The following FGA variants were observed in gnomAD, a reference collection of about 807,000 sequenced individuals.
The protein encoded by FGA is fibrinogen alpha chain.
Under a neutral mutation model 20.3 loss-of-function variants are expected in FGA, and 20 were observed. The ratio of observed to expected loss-of-function variants is 0.99; its 90% confidence interval spans 0.69 to 1.43. FGA has a LOEUF of 1.43. FGA is among the 40% of genes most tolerant of loss of function. FGA has a pLI of 0.00. For missense variants in FGA, 777 were observed against 784.7 expected (o/e 0.99, Z 0.12); for synonymous variants, 306 against 281.6 (o/e 1.09, Z -0.87).
intron 3 of FGA, among the ~76,000 whole-genome samples, chr4:154,588,035 T>C (rs993666860): frequency 1.3e-5 from 2 of 152,200 alleles, no homozygotes; most frequent in Admixed American, 1.3e-4. Flanking sequence ...TTAAAATAGT[T>C]GGTTTGATTG....
rs1184066844 is a variant in FGA, at chr4:154,585,550, G to A, written c.1879C>T (p.Arg627Cys). The change falls in exon 5 of 5, where the codon CGC (arginine) becomes TGC (cysteine). Residue 627 changes from arginine to cysteine, a missense_variant. Coordinates refer to ENST00000403106, the MANE Select transcript of FGA (RefSeq NM_021871.4). ...GAAGTGTGGATACCTCTGACAGGGC[G>A]AGATTTAGCATGGCCTCTCTTGGTG... ...HSTKRGHAKS[R>C]PVRGIHTSPL... The A allele has an allele frequency of 7.4e-6, 12 of 1,613,924 alleles. No individual in the cohort carries two copies. The highest frequency in any genetic ancestry group is 2.7e-5 in the African/African-American group (2 of 74,904).
chr4:154,590,733 A>G lies in FGA; in HGVS notation c.-46T>C. On this transcript the variant is annotated 5_prime_UTR_variant, in exon 1 of 5. Transcript: ENST00000403106. ...GCTCCTGAGGAGCACTCCAGCTGAA[A>G]GAAAGGATTGCTGCCACTCCTAGTT... 1 of 1,427,082 alleles carries G rather than the reference A, an allele frequency of 7.0e-7. No individual in the cohort carries two copies. The highest frequency in any genetic ancestry group is 9.7e-7 in the Non-Finnish European group (1 of 1,033,204). 88.4% of individuals were successfully genotyped at this position (1,427,082 alleles called of 1,614,324 possible).
In FGA at chr4:154,586,048, A is replaced by G. The variant is rs1257381737; in HGVS notation, c.1381T>C (p.Cys461Arg). 6.2e-7 allele frequency: 1 copy of G among 1,614,184 alleles called. No homozygotes were observed. Among genetic ancestry groups the G allele is most frequent in the Admixed American group, 1.7e-5 (1 of 60,028 alleles). Residue 461 changes from cysteine to arginine, a missense_variant, in exon 5 of 5, where the codon TGC (cysteine) becomes CGC (arginine). Cys to Arg is a radical substitution (Grantham distance 180, BLOSUM62 -3). Transcript: ENST00000403106. ...SGSTTTTRRS[C>R]SKTVTKTVIG... The stretch of plus-strand genomic sequence containing the variant: ...ACAGTCTTAGTAACGGTTTTAGAGC[A>G]TGAACGACGCGTGGTGGTTGTGCTA...
chr4:154,584,622 G>A (rs148411201), downstream of FGA: 207 of 1,614,100 alleles, frequency 1.3e-4, 1 homozygote, highest in Non-Finnish European at 1.5e-4. Context: ...CTTCCCCCTC[G>A]TCATTCAGGC....
chr4:154,589,254 T>A (rs1730812515), intron 2 of FGA, among the ~76,000 whole-genome samples, 183 bp downstream of exon 2: 2 of 152,180 alleles, frequency 1.3e-5, no homozygotes, highest in African/African-American at 4.8e-5. Flanking sequence ...CCACTAATGA[T>A]CCAGAGTTGG....
chr4:154,588,075 C>T (rs538951053), intron 3 of FGA, among the ~76,000 whole-genome samples: 151 of 152,302 alleles, frequency 9.9e-4, no homozygotes, highest in African/African-American at 3.6e-3. Context: ...CATCCTTAAT[C>T]AAGGGACTTG....
At chr4:154,587,384 C>G in intron 4 of FGA, 128 bp downstream of exon 4, 1 of 905,902 alleles carries the variant, frequency 1.1e-6, no homozygotes, top group South Asian at 1.4e-5. Flanking sequence ...AAAATAATAC[C>G]TACTTTTAGG....
chr4:154,585,732 C>T lies in FGA; in HGVS notation c.1697G>A (p.Gly566Glu). 1.2e-6 allele frequency: 2 copies of T among 1,614,152 alleles called. No homozygotes were observed. Among genetic ancestry groups the T allele is most frequent in the South Asian group, 1.1e-5 (1 of 91,076 alleles). The change falls in exon 5 of 5, where the codon GGG becomes GAG. Residue 566 changes from glycine (G) to glutamate (E), a missense_variant. Coordinates refer to ENST00000403106, the MANE Select transcript of FGA (RefSeq NM_021871.4). The part of the protein sequence containing the change: ...NTKESSSHHP[G>E]IAEFPSRGKS... ...ACCACGGGAAGGGAATTCAGCTATC[C>T]CAGGGTGATGAGAACTGGATTCCTT...
At chr4:154,588,998 T>A in intron 2 of FGA, 22 bp from the exon 3 acceptor site, 1 of 1,584,712 alleles carries the variant, frequency 6.3e-7, no homozygotes, top group Non-Finnish European at 8.7e-7. Context: ...GGGAGAAAAT[T>A]ACAGTAAGGA....
At chr4:154,583,929 T>C, downstream of FGA, 1 of 598,034 alleles carries the variant, frequency 1.7e-6, no homozygotes, top group Non-Finnish European at 3.0e-6. Context: ...TATTTAAAGA[T>C]AAAAAAAACC....
At chr4:154,587,364 T>C in intron 4 of FGA, 148 bp downstream of exon 4, 1 of 784,400 alleles carries the variant, frequency 1.3e-6, no homozygotes, top group South Asian at 1.6e-5. Context: ...TCTTCAACTG[T>C]GGAGTGAGGA....
At chr4:154,585,268 A>G, downstream of FGA, 1 of 1,354,890 alleles carries the variant, frequency 7.4e-7, no homozygotes, top group Non-Finnish European at 9.5e-7. Flanking sequence ...ATAGAGTTTC[A>G]GAGGAATTCA....
At chr4:154,589,357 C>T in intron 2 of FGA, 80 bp downstream of exon 2, 2 of 1,563,278 alleles carry the variant, frequency 1.3e-6, no homozygotes, top group South Asian at 1.1e-5. Flanking sequence ...AAAAAAGTTT[C>T]TGGGACCAAT....
At position 154,585,296 on chromosome 4, in the gene FGA, T is replaced by C; in HGVS notation, c.*198A>G. On this transcript the variant is annotated 3_prime_UTR_variant, in exon 5 of 5. Coordinates refer to ENST00000403106, the MANE Select transcript of FGA (RefSeq NM_021871.4). ...GGAATTCATTCATCCATTTAACATG[T>C]ATTTATTGAGTCATGGCTCTGTACT... The C allele has an allele frequency of 7.6e-7, 1 of 1,308,510 alleles. No individual in the cohort carries two copies. The highest frequency in any genetic ancestry group is 1.0e-6 in the Non-Finnish European group (1 of 994,354). The allele number at this position is 1,308,510 out of a possible 1,614,324, so 81.1% of individuals were successfully genotyped here. A position where few individuals can be genotyped will look rare whatever the true frequency, so the allele number is the denominator to read the frequency against.
At position 154,587,745 on chromosome 4, in the gene FGA, GAGAA is replaced by G. The variant is rs60443975; in HGVS notation, c.365-92_365-89del. The G allele has an allele frequency of 0.13, 65,990 of 522,160 alleles. 4,882 individuals are homozygous for G. Among genetic ancestry groups the G allele is most frequent in the Non-Finnish European group, 0.14 (42,433 of 300,828 alleles). The allele number at this position is 522,160 out of a possible 1,614,324, so 32.3% of individuals were successfully genotyped here. On this transcript the variant is annotated intron_variant, in intron 3 of 4. Transcript: ENST00000403106. ...AAAAGAAAGGAAGAAAGGAAGGAAGGAGAAAGAAAGAAAGAAAGAAAGAAAGAAA... is the reference window on the plus strand; with the variant it reads ...AAAAGAAAGGAAGAAAGGAAGGAAGGAGAAAGAAAGAAAGAAAGAAAGAAA...
rs1161682179 is a variant in FGA at position 154,586,299 on chromosome 4, C to T, written c.1130G>A (p.Ser377Asn). The T allele has an allele frequency of 1.2e-6, 2 of 1,614,208 alleles. No homozygotes were observed. The highest frequency in any genetic ancestry group is 1.7e-6 in the Non-Finnish European group (2 of 1,180,024). ...TTGTCCAGTACTACCAGATACAGAG[C>T]TCTCAGAGGTCCAGTGCCCAGCACT... is the stretch of plus-strand genomic sequence containing the variant. ...RGSAGHWTSESSVSGSTGQWH... is the reference protein window; with the variant it reads ...RGSAGHWTSENSVSGSTGQWH... The change falls in exon 5 of 5, where the codon AGC (serine) becomes AAC (asparagine). Residue 377 changes from serine to asparagine, a missense_variant. Transcript: ENST00000403106.
downstream of FGA, chr4:154,584,377 ATGT>A (rs752625164): frequency 6.2e-7 from 1 of 1,614,062 alleles, no homozygotes; most frequent in Non-Finnish European, 8.5e-7. Flanking sequence ...GCTGAACTGC[ATGT>A]TGTTGTGAGA....
chr4:154,586,033 T>C lies in FGA; in HGVS notation c.1396A>G (p.Thr466Ala). The change falls in exon 5 of 5, where the codon ACT becomes GCT. Residue 466 changes from threonine to alanine, a missense_variant. Thr to Ala is a moderately conservative substitution (Grantham distance 58). Coordinates refer to ENST00000403106, the MANE Select transcript of FGA (RefSeq NM_021871.4). The stretch of plus-strand genomic sequence containing the variant: ...CCATCAGGACCAATAACAGTCTTAG[T>C]AACGGTTTTAGAGCATGAACGACGC... ...TTRRSCSKTV[T>A]KTVIGPDGHK... is the part of the protein sequence containing the mutation. The C allele has an allele frequency of 6.2e-7, 1 of 1,614,180 alleles. No individual in the cohort carries two copies. The highest frequency in any genetic ancestry group is 1.1e-5 in the South Asian group (1 of 91,088).
In FGA at chr4:154,588,992, G is replaced by A; in HGVS notation, c.181-16C>T. On this transcript the variant is annotated splice_polypyrimidine_tract_variant and intron_variant, in intron 2 of 4. Transcript: ENST00000403106. Reference sequence around the variant, plus strand: ...ATTTGTAGTTCTGAAAGTGAAGGGAGAAAATTACAGTAAGGATCTATCTCT... The same window carrying A: ...ATTTGTAGTTCTGAAAGTGAAGGGAAAAAATTACAGTAAGGATCTATCTCT... 1 of 1,597,070 alleles carries A rather than the reference G, an allele frequency of 6.3e-7. No homozygotes were observed. Among genetic ancestry groups the A allele is most frequent in the South Asian group, 1.1e-5 (1 of 90,702 alleles).
Sources: allele counts gnomAD v4.1 joint callset (sites outside exome capture counted in the v4.1 genomes callset), GRCh38; gene constraint gnomAD v4.1.1; transcripts MANE v1.5; gene names NCBI Gene and HGNC (gene_info 2026-07-23, HGNC 2026-07-21).